The following KRT1 variants were observed in gnomAD, a reference collection of about 807,000 sequenced individuals.
The protein encoded by KRT1 is keratin, type II cytoskeletal 1.
KRT1 carries 28 observed loss-of-function variants against 51.6 expected under a neutral mutation model. The observed-to-expected ratio is 0.54, with a 90% CI of 0.40 to 0.74. The LOEUF (loss-of-function observed/expected upper bound fraction) is 0.74, where lower values mean the gene tolerates loss of function less well. Ranked by LOEUF, KRT1 falls within the 30% of genes least tolerant of loss-of-function variation. KRT1 has a pLI of 0.00. For synonymous variants in KRT1, 301 were observed against 307.7 expected, an observed-to-expected ratio of 0.98 and a Z score of 0.23; for missense variants, 783 against 815.5, an observed-to-expected ratio of 0.96 and a Z score of 0.49.
At chr12:52,676,564 C>G in intron 6 of KRT1, 69 bp from the exon 7 acceptor site, 1 of 1,507,446 alleles carries the variant, frequency 6.6e-7, no homozygotes, top group Non-Finnish European at 9.1e-7. Context: ...CAATTGGTCT[C>G]CCCACTCCAG....
Position 52,676,408 on chromosome 12 carries a change from C to G in KRT1, c.1342G>C (p.Glu448Gln), listed in dbSNP as rs1385207991. ...KDAKNKLNDL[E>Q]DALQQAKEDL... ...TCCTTGGCCTGCTGCAGGGCATCCT[C>G]CAGGTCATTCAGCTTGTTCTTGGCA... Residue 448 changes from glutamate to glutamine, a missense_variant, in exon 7 of 9, where the codon GAG becomes CAG. Transcript: ENST00000252244. 6 of 1,614,186 alleles carry G rather than the reference C, an allele frequency of 3.7e-6. No homozygotes were observed. The East Asian group carries it at 1.3e-4, about 36-fold the overall frequency.
rs548892253 is a variant in KRT1, at chr12:52,678,143, G to A, written c.867+20C>T. Reference sequence around the variant, plus strand: ...CTTATTTATTTCAAATGTGAGTTCCGTCCTACAGAATTTGCTTACCTTCTT... The same window carrying A: ...CTTATTTATTTCAAATGTGAGTTCCATCCTACAGAATTTGCTTACCTTCTT... On this transcript the variant is annotated intron_variant, in intron 3 of 8. Transcript: ENST00000252244. 2.0e-5 allele frequency: 33 copies of A among 1,612,066 alleles called. No homozygotes were observed. Among genetic ancestry groups the A allele is most frequent in the Admixed American group, 8.3e-5 (5 of 60,026 alleles).
Position 52,677,699 on chromosome 12 carries a change from A to G in KRT1, c.914T>C (p.Leu305Pro), listed in dbSNP as rs754081965. 1 of 1,614,230 alleles carries G rather than the reference A, an allele frequency of 6.2e-7. No individual in the cohort carries two copies. Among genetic ancestry groups the G allele is most frequent in the South Asian group, 1.1e-5 (1 of 91,074 alleles). ...ATCAATTTCCTGCTGCAAGTTGTCAAGTTTGGCCTGAAGGTCCACCTTGGT... is the reference window on the plus strand; with the variant it reads ...ATCAATTTCCTGCTGCAAGTTGTCAGGTTTGGCCTGAAGGTCCACCTTGGT... ...YMTKVDLQAK[L>P]DNLQQEIDFL... Residue 305 changes from leucine to proline, a missense_variant, in exon 4 of 9, where the codon CTT (leucine) becomes CCT (proline). Leu to Pro is a moderately conservative substitution (Grantham distance 98, BLOSUM62 -3). Transcript: ENST00000252244.
Position 52,679,996 on chromosome 12 carries a change from C to T in KRT1, c.353G>A (p.Gly118Asp). The T allele has an allele frequency of 6.3e-7, 1 of 1,590,128 alleles. No homozygotes were observed. The highest frequency in any genetic ancestry group is 1.7e-4 in the Middle Eastern group (1 of 6,010). Residue 118 changes from glycine (G) to aspartate (D), a missense_variant, in exon 1 of 9, where the codon GGC becomes GAC. Coordinates refer to ENST00000252244, the MANE Select transcript of KRT1 (RefSeq NM_006121.4). ...ACCACCACTGCCAAAACCACCAAAGCCACCACCCCCAATGCCACCTCCACC... is the reference window on the plus strand; with the variant it reads ...ACCACCACTGCCAAAACCACCAAAGTCACCACCCCCAATGCCACCTCCACC... ...GFGGGGIGGG[G>D]FGGFGSGGGG...
At chr12:52,679,621 C>T (rs928129978) in intron 1 of KRT1, 137 bp downstream of exon 1, 17 of 807,866 alleles carry the variant, frequency 2.1e-5, no homozygotes, top group Non-Finnish European at 3.0e-5. Context: ...AACATATCTC[C>T]TAGGAGACCA....
intron 3 of KRT1, 50 bp downstream of exon 3, chr12:52,678,113 C>T (rs1444764052): frequency 6.3e-7 from 1 of 1,575,012 alleles, no homozygotes; most frequent in Admixed American, 1.7e-5. Flanking sequence ...TGGAGACCCT[C>T]TTCCCTTATT....
Position 52,675,422 on chromosome 12 carries a change from C to T in KRT1, c.1706G>A (p.Gly569Glu), listed in dbSNP as rs757702443. ...GCTGCCATGGCCGCCGCCGCCACCT[C>T]CAGAGCCATAGCTGCCACCTCCGGA... The part of the protein sequence containing the change: ...YGSGGGSYGS[G>E]GGGGGHGSYG... The change falls in exon 9 of 9, where the codon GGA becomes GAA. Residue 569 changes from glycine (G) to glutamate (E), a missense_variant. Gly to Glu is a moderately conservative substitution (Grantham distance 98). Coordinates refer to ENST00000252244, the MANE Select transcript of KRT1 (RefSeq NM_006121.4). The T allele has an allele frequency of 5.3e-6, 8 of 1,511,572 alleles. No individual in the cohort carries two copies. The African/African-American group carries it at 1.1e-4, about 21-fold the overall frequency. 93.6% of individuals were successfully genotyped at this position (1,511,572 alleles called of 1,614,324 possible).
At chr12:52,679,217 T>C (rs1941551468) in intron 1 of KRT1, among the ~76,000 whole-genome samples, 1 of 152,184 alleles carries the variant, frequency 6.6e-6, no homozygotes, top group Non-Finnish European at 1.5e-5. Flanking sequence ...TCTGAGTTTT[T>C]TAGAGCTGAT....
rs1365442398 is a variant in KRT1 at position 52,675,493 on chromosome 12, G to A, written c.1635C>T (p.Gly545=). 1.2e-5 allele frequency: 18 copies of A among 1,545,032 alleles called. No homozygotes were observed. The highest frequency in any genetic ancestry group is 1.8e-5 in the Admixed American group (1 of 55,784). The change falls in exon 9 of 9, where the codon GGC becomes GGT. Residue 545 remains glycine (G), a synonymous_variant. Coordinates refer to ENST00000252244, the MANE Select transcript of KRT1 (RefSeq NM_006121.4). ...AGCCATAGCTGCCACGGCCGCCGCC[G>A]CCGCCACCTCCAGAACCATAGCTAC... ...GGGSYGSGGG[G]GGGRGSYGSG... is the part of the protein sequence containing the mutation.
intron 2 of KRT1, 86 bp downstream of exon 2, chr12:52,678,456 T>C: frequency 7.5e-7 from 1 of 1,333,578 alleles, no homozygotes; most frequent in South Asian, 1.2e-5. Flanking sequence ...AAGACATAGC[T>C]ACATGCTGCT....
In KRT1 at chr12:52,678,161, A is replaced by T. The variant is rs1411282005; in HGVS notation, c.867+2T>A. The T allele has an allele frequency of 6.2e-7, 1 of 1,613,808 alleles. No homozygotes were observed. The highest frequency in any genetic ancestry group is 8.5e-7 in the Non-Finnish European group (1 of 1,179,812). On this transcript the variant is annotated splice_donor_variant, in intron 3 of 8. Transcript: ENST00000252244. LOFTEE classifies it high-confidence loss of function. ...GAGTTCCGTCCTACAGAATTTGCTT[A>T]CCTTCTTGATGGTCACAAATTCATT...
At position 52,679,965 on chromosome 12, in the gene KRT1, A is replaced by G. The variant is rs984538882; in HGVS notation, c.384T>C (p.Gly128=). ...GFGGFGSGGG[G]FGGGGFGGGG... ...CACCCCCAAAGCCACCTCCACCAAA[A>G]CCACCACCACCACTGCCAAAACCAC... is the stretch of plus-strand genomic sequence containing the variant. Residue 128 remains glycine, a synonymous_variant, in exon 1 of 9, where the codon GGT becomes GGC. Coordinates refer to ENST00000252244, the MANE Select transcript of KRT1 (RefSeq NM_006121.4). The G allele has an allele frequency of 1.2e-6, 2 of 1,609,514 alleles. No individual in the cohort carries two copies. The highest frequency in any genetic ancestry group is 1.7e-4 in the Middle Eastern group (1 of 6,022).
Position 52,676,261 on chromosome 12 carries a change from C to G in KRT1, c.1475+14G>C, listed in dbSNP as rs369324638. On this transcript the variant is annotated intron_variant, in intron 7 of 8. Transcript: ENST00000252244. ...CCATGAGAAGAGGTTCGACTCCCAG[C>G]GTCCCTTCCTCACCTGCTTTCTTCT... The G allele has an allele frequency of 6.2e-7, 1 of 1,604,252 alleles. No homozygotes were observed. The highest frequency in any genetic ancestry group is 1.1e-5 in the South Asian group (1 of 90,882).
chr12:52,677,523 A>G (rs1941528251), intron 4 of KRT1, 43 bp from the exon 5 acceptor site: 2 of 1,612,972 alleles, frequency 1.2e-6, no homozygotes, highest in Non-Finnish European at 1.7e-6. Flanking sequence ...GCACTAAAAC[A>G]AAAAACAACT....
chr12:52,677,207 G>A, intron 5 of KRT1, 23 bp from the exon 6 acceptor site: 2 of 1,614,178 alleles, frequency 1.2e-6, no homozygotes, highest in South Asian at 1.1e-5. Flanking sequence ...GATAGCGTTT[G>A]TTAAATGTAG....
chr12:52,675,089 T>C lies in KRT1; in HGVS notation c.*104A>G. ...ATGAGCTAGTGTAACTAACCATAGCTCTTTTCTCCGGTAAGGCTGGGACAA... is the reference window on the plus strand; with the variant it reads ...ATGAGCTAGTGTAACTAACCATAGCCCTTTTCTCCGGTAAGGCTGGGACAA... On this transcript the variant is annotated 3_prime_UTR_variant, in exon 9 of 9. Coordinates refer to ENST00000252244, the MANE Select transcript of KRT1 (RefSeq NM_006121.4). 7.1e-7 allele frequency: 1 copy of C among 1,406,812 alleles called. No individual in the cohort carries two copies. Among genetic ancestry groups the C allele is most frequent in the Non-Finnish European group, 1.0e-6 (1 of 992,758 alleles). The allele number at this position is 1,406,812 out of a possible 1,614,324, so 87.1% of individuals were successfully genotyped here.
chr12:52,677,626 C>A (rs766205230), intron 4 of KRT1, 24 bp downstream of exon 4: 7 of 1,611,790 alleles, frequency 4.3e-6, no homozygotes, highest in African/African-American at 2.7e-5. Context: ...TTTAGATAAA[C>A]TTGGTTGAAA....
chr12:52,680,316 G>T lies in KRT1; in HGVS notation c.33C>A (p.Tyr11Ter). The change falls in exon 1 of 9, where the codon TAC becomes TAA. Residue 11 changes from tyrosine (Y) to a stop codon, truncating the protein, a stop_gained. Transcript: ENST00000252244. LOFTEE classifies it high-confidence loss of function. Reference sequence around the variant, plus strand: ...CAGAGCTGAAGCCCCCTCCACTTCGGTACCCAGACCTGGAACTAAACTGTC... The same window carrying T: ...CAGAGCTGAAGCCCCCTCCACTTCGTTACCCAGACCTGGAACTAAACTGTC... MSRQFSSRSGYRSGGGFSSGS... is the reference protein window; with the variant it reads MSRQFSSRSG 6.2e-7 allele frequency: 1 copy of T among 1,614,114 alleles called. No homozygotes were observed. Among genetic ancestry groups the T allele is most frequent in the East Asian group, 2.2e-5 (1 of 44,870 alleles).
At chr12:52,679,110 T>C (rs906777195) in intron 1 of KRT1, among the ~76,000 whole-genome samples, 1 of 152,178 alleles carries the variant, frequency 6.6e-6, no homozygotes, top group Non-Finnish European at 1.5e-5. Flanking sequence ...ATTTCAAAAG[T>C]ATATCAGGAA....
Sources: allele counts gnomAD v4.1 joint callset (sites outside exome capture counted in the v4.1 genomes callset), GRCh38; gene constraint gnomAD v4.1.1; transcripts MANE v1.5; gene names NCBI Gene and HGNC (gene_info 2026-07-23, HGNC 2026-07-21).